CACNA1A: variants seen among roughly 807,000 people sequenced by gnomAD.
CACNA1A encodes the protein voltage-dependent P/Q-type calcium channel subunit alpha-1A.
A neutral mutation model predicts 262.4 loss-of-function variants in CACNA1A; 57 were observed. That is an observed-to-expected ratio of 0.22 (90% confidence interval 0.18 to 0.27). The LOEUF (loss-of-function observed/expected upper bound fraction) is 0.27. Among genes scored for constraint, CACNA1A ranks in the 10% least tolerant of loss-of-function variants. The probability of loss-of-function intolerance (pLI) is 1.00; values close to 1 mark genes in which losing one functional copy is unlikely to be tolerated. For synonymous variants in CACNA1A, 1,431 were observed against 1,419.3 expected, an observed-to-expected ratio of 1.01 and a Z score of -0.18; for missense variants, 2,526 against 3,562.8, an observed-to-expected ratio of 0.71 and a Z score of 7.41.
At chr19:13,342,171 T>G (rs1039131758) in intron 6 of CACNA1A, among the ~76,000 whole-genome samples, 1 of 149,012 alleles carries the variant, frequency 6.7e-6, no homozygotes, top group Non-Finnish European at 1.5e-5. Flanking sequence ...GGTGGAAGGC[T>G]GGGTGCAGTT....
At chr19:13,409,196 C>T (rs984960922) in intron 3 of CACNA1A, among the ~76,000 whole-genome samples, 3 of 151,988 alleles carry the variant, frequency 2.0e-5, no homozygotes, top group African/African-American at 4.8e-5. Context: ...GAGTATTGGC[C>T]GTGGGGTACG....
intron 38 of CACNA1A, chr19:13,215,344 A>C (rs1202015527): frequency 8.8e-5 from 4 of 45,686 alleles, no homozygotes; most frequent in African/African-American, 1.7e-4. Context: ...TTTGAGATGG[A>C]GTTTCACTCT....
At chr19:13,432,545 T>C (rs963310504) in intron 3 of CACNA1A, among the ~76,000 whole-genome samples, 4 of 151,964 alleles carry the variant, frequency 2.6e-5, no homozygotes, top group African/African-American at 9.7e-5. Context: ...TGGGGAGATA[T>C]TAGGCAAAGG....
intron 3 of CACNA1A, among the ~76,000 whole-genome samples, chr19:13,449,045 C>T (rs1475681174): frequency 6.6e-6 from 1 of 151,838 alleles, no homozygotes. Flanking sequence ...CGGATCACTG[C>T]AGCCTCGACC....
intron 30 of CACNA1A, among the ~76,000 whole-genome samples, chr19:13,251,399 C>T (rs979156218): frequency 2.6e-5 from 4 of 152,150 alleles, no homozygotes; most frequent in Non-Finnish European, 4.4e-5. Context: ...AGGAGAATGG[C>T]GTGAACCCAG....
intron 23 of CACNA1A, 133 bp downstream of exon 23, chr19:13,276,936 T>C (rs575056872): frequency 6.6e-6 from 4 of 606,932 alleles, no homozygotes; most frequent in South Asian, 1.6e-5. Context: ...GGCCTCAACC[T>C]CCTGATCTCA....
At chr19:13,383,201 G>T (rs2059551845) in intron 3 of CACNA1A, among the ~76,000 whole-genome samples, 1 of 152,208 alleles carries the variant, frequency 6.6e-6, no homozygotes, top group Non-Finnish European at 1.5e-5. Context: ...GCAATAGTGG[G>T]AAAAGATATA....
chr19:13,365,302 G>A lies in CACNA1A; in HGVS notation c.784+15C>T. The stretch of plus-strand genomic sequence containing the variant: ...GGAGAAAACTGGAAAGATGCATCAT[G>A]CTCCGTGGACCTACCTGTCCCCTCT... On this transcript the variant is annotated intron_variant, in intron 5 of 46. Coordinates refer to ENST00000360228, the MANE Select transcript of CACNA1A (RefSeq NM_001127222.2). The A allele has an allele frequency of 6.2e-7, 1 of 1,602,968 alleles. No homozygotes were observed. The highest frequency in any genetic ancestry group is 1.1e-5 in the South Asian group (1 of 90,084).
intron 24 of CACNA1A, among the ~76,000 whole-genome samples, chr19:13,271,095 C>T (rs995848073): frequency 2.0e-5 from 3 of 148,382 alleles, no homozygotes; most frequent in Non-Finnish European, 3.0e-5. Flanking sequence ...ACTCTGCAAA[C>T]AGGCTGCCAA....
chr19:13,324,074 T>C (rs1294120722), intron 10 of CACNA1A, among the ~76,000 whole-genome samples: 1 of 152,214 alleles, frequency 6.6e-6, no homozygotes. Flanking sequence ...AAAGAAATTC[T>C]GTAATGTGTG....
intron 38 of CACNA1A, among the ~76,000 whole-genome samples, chr19:13,221,945 C>T (rs1052789826): frequency 9.2e-5 from 14 of 152,076 alleles, no homozygotes; most frequent in African/African-American, 2.4e-4. Context: ...CTTGCTCTGT[C>T]GCCCAGGCTA....
In CACNA1A at chr19:13,359,896, T is replaced by C. The variant is rs943171092; in HGVS notation, c.785-97A>G. 1.8e-5 allele frequency: 14 copies of C among 783,090 alleles called. No homozygotes were observed. In the East Asian group the frequency reaches 3.4e-4, roughly 19 times the overall value. 48.5% of individuals were successfully genotyped at this position (783,090 alleles called of 1,614,324 possible). The stretch of plus-strand genomic sequence containing the variant: ...GACTCTATAATGCTGTTGGAACGAA[T>C]AACTTTTGGGACAAACGTGATCAGT... On this transcript the variant is annotated intron_variant, in intron 5 of 46. Coordinates refer to ENST00000360228, the MANE Select transcript of CACNA1A (RefSeq NM_001127222.2).
At chr19:13,372,687 G>C (rs1409947163) in intron 3 of CACNA1A, among the ~76,000 whole-genome samples, 1 of 152,196 alleles carries the variant, frequency 6.6e-6, no homozygotes, top group African/African-American at 2.4e-5. Flanking sequence ...TTGACAAAAA[G>C]TGGTCAGCAC....
At chr19:13,245,376 G>A in intron 30 of CACNA1A, 111 bp from the exon 31 acceptor site, 1 of 797,356 alleles carries the variant, frequency 1.3e-6, no homozygotes, top group Non-Finnish European at 2.2e-6. Context: ...GGAGTGCCCG[G>A]GACAGTTATG....
chr19:13,282,885 C>A lies in CACNA1A; in HGVS notation c.3822+382G>T, dbSNP rs552538291. On this transcript the variant is annotated intron_variant, in intron 22 of 46. Coordinates refer to ENST00000360228, the MANE Select transcript of CACNA1A (RefSeq NM_001127222.2). ...GTTGTTTCTTTCAAAGCTTCGTGTA[C>A]AAAGGGAAATGTCTACTGCGGAGGG... Among the ~76,000 whole-genome samples the A allele has an allele frequency of 3.9e-5, 6 of 152,270 alleles. No individual in the cohort carries two copies. The East Asian group carries it at 7.7e-4, about 20-fold the overall frequency.
chr19:13,394,062 A>G (rs1277838562), intron 3 of CACNA1A, among the ~76,000 whole-genome samples: 1 of 152,170 alleles, frequency 6.6e-6, no homozygotes, highest in East Asian at 1.9e-4. Flanking sequence ...ATATTCAATA[A>G]AAGGTTAAAA....
At chr19:13,247,593 C>T (rs998301108) in intron 30 of CACNA1A, among the ~76,000 whole-genome samples, 3 of 151,692 alleles carry the variant, frequency 2.0e-5, no homozygotes, top group Non-Finnish European at 4.4e-5. Flanking sequence ...CCAGCTACTC[C>T]GGAGGCTGAG....
At position 13,359,934 on chromosome 19, in the gene CACNA1A, C is replaced by G. The variant is rs113591215; in HGVS notation, c.785-135G>C. On this transcript the variant is annotated intron_variant, in intron 5 of 46. Coordinates refer to ENST00000360228, the MANE Select transcript of CACNA1A (RefSeq NM_001127222.2). ...AAACGTGATCAGTCTTCAAAGAGAT[C>G]AATGTTTGGCTTTGGGGGTCTATTA... 1.9e-3 allele frequency: 855 copies of G among 459,776 alleles called. 9 individuals carry two copies. The highest frequency in any genetic ancestry group is 0.016 in the African/African-American group (799 of 49,956). The allele number at this position is 459,776 out of a possible 1,614,324, so 28.5% of individuals were successfully genotyped here.
At chr19:13,501,586 G>A (rs1383221005) in intron 1 of CACNA1A, among the ~76,000 whole-genome samples, 2 of 152,134 alleles carry the variant, frequency 1.3e-5, no homozygotes, top group Non-Finnish European at 2.9e-5. Context: ...ATCCCTAGAA[G>A]CTAGCTAGAA....
Sources: allele counts gnomAD v4.1 joint callset (sites outside exome capture counted in the v4.1 genomes callset), GRCh38; gene constraint gnomAD v4.1.1; transcripts MANE v1.5; gene names NCBI Gene and HGNC (gene_info 2026-07-23, HGNC 2026-07-21).